SDCBP2: variants seen among roughly 807,000 people sequenced by gnomAD.
SDCBP2 encodes syndecan binding protein 2, also known as syntenin-2.
A neutral mutation model predicts 30.7 loss-of-function variants in SDCBP2; 28 were observed. The ratio of observed to expected loss-of-function variants is 0.91; its 90% CI spans 0.68 to 1.25. The LOEUF (loss-of-function observed/expected upper bound fraction) is 1.25, where lower values mean the gene tolerates loss of function less well. Among genes scored for constraint, SDCBP2 ranks in the 50% most tolerant of loss-of-function variants. The pLI, the probability that SDCBP2 is intolerant of heterozygous loss-of-function variation, is 0.00. For synonymous variants in SDCBP2, 166 were observed against 157.3 expected, an observed-to-expected ratio of 1.06 and a Z score of -0.41; for missense variants, 399 against 379.0, an observed-to-expected ratio of 1.05 and a Z score of -0.44.
chr20:1,328,007 C>T (rs1324816515), intron 1 of SDCBP2, among the ~76,000 whole-genome samples: 4 of 152,010 alleles, frequency 2.6e-5, no homozygotes, highest in East Asian at 1.9e-4. Context: ...AAGAGCAGGA[C>T]GGAGGGTCAT....
At chr20:1,318,618 G>A (rs987389947) in intron 3 of SDCBP2, among the ~76,000 whole-genome samples, 200 bp from the exon 4 acceptor site, 6 of 152,134 alleles carry the variant, frequency 3.9e-5, no homozygotes, top group South Asian at 2.1e-4. Flanking sequence ...GTAGGACACC[G>A]AGTCCTCATG....
Position 1,312,423 on chromosome 20 carries a change from C to G in SDCBP2, c.646G>C (p.Val216Leu). The G allele has an allele frequency of 6.2e-7, 1 of 1,614,002 alleles. No individual in the cohort carries two copies. The highest frequency in any genetic ancestry group is 8.5e-7 in the Non-Finnish European group (1 of 1,179,932). The change falls in exon 7 of 9, where the codon GTC becomes CTC. Residue 216 changes from valine (V) to leucine (L), a missense_variant. Val to Leu is a conservative substitution (Grantham distance 32). Coordinates refer to ENST00000360779, the MANE Select transcript of SDCBP2 (RefSeq NM_080489.5). ...TTGCGGGCCGCAGAACTCCCTTTGA[C>G]CAGAGAGACAATCTTCCCCTTCTTG... is the stretch of plus-strand genomic sequence containing the variant. ...VIKKGKIVSL[V>L]KGSSAARNGL...
intron 3 of SDCBP2, among the ~76,000 whole-genome samples, chr20:1,318,885 T>C (rs2088816451): frequency 6.6e-6 from 1 of 152,202 alleles, no homozygotes; most frequent in South Asian, 2.1e-4. Flanking sequence ...AGGGTGGCCA[T>C]CTGCAAGCCA....
At chr20:1,315,996 G>A (rs576182331) in intron 4 of SDCBP2, among the ~76,000 whole-genome samples, 72 of 152,252 alleles carry the variant, frequency 4.7e-4, no homozygotes, top group Non-Finnish European at 9.4e-4. Context: ...CCAGCTACTC[G>A]GGAGGCTGAG....
chr20:1,312,515 G>A lies in SDCBP2; in HGVS notation c.561-7C>T. Reference sequence around the variant, plus strand: ...GACAGTCCGCTGGAACGGCCTGGCAGGAGGGACAGTGAGCTGTCCTGGGGA... The same window carrying A: ...GACAGTCCGCTGGAACGGCCTGGCAAGAGGGACAGTGAGCTGTCCTGGGGA... On this transcript the variant is annotated splice_region_variant and splice_polypyrimidine_tract_variant and intron_variant, in intron 6 of 8. Transcript: ENST00000360779. The A allele has an allele frequency of 6.2e-7, 1 of 1,614,148 alleles. No individual in the cohort carries two copies. The highest frequency in any genetic ancestry group is 8.5e-7 in the Non-Finnish European group (1 of 1,180,026).
At chr20:1,325,009 A>AT (rs564910473) in intron 1 of SDCBP2, among the ~76,000 whole-genome samples, 18 of 152,104 alleles carry the variant, frequency 1.2e-4, no homozygotes, top group Non-Finnish European at 2.2e-4. Context: ...CATCATATTG[A>AT]TTTTTTACCC....
rs1358405346 is a variant in SDCBP2 at position 1,310,338 on chromosome 20, C to T, written c.*103G>A. 1.6e-6 allele frequency: 2 copies of T among 1,227,902 alleles called. No homozygotes were observed. Among genetic ancestry groups the T allele is most frequent in the South Asian group, 1.3e-5 (1 of 77,272 alleles). 76.1% of individuals were successfully genotyped at this position (1,227,902 alleles called of 1,614,324 possible). On this transcript the variant is annotated 3_prime_UTR_variant, in exon 9 of 9. Transcript: ENST00000360779. ...GACACGCCCCCCTCATGGCAGCCCC[C>T]ACCTTAAGCAGCAGGCCGGCTGCAA...
rs779436203 is a variant in SDCBP2 at position 1,313,402 on chromosome 20, C to T, written c.322G>A (p.Glu108Lys). Residue 108 changes from glutamate to lysine, a missense_variant, in exon 5 of 9, where the codon GAG (glutamate) becomes AAG (lysine). Physicochemically the swap from Glu to Lys is moderately conservative, Grantham distance 56 (BLOSUM62 1). Coordinates refer to ENST00000360779, the MANE Select transcript of SDCBP2 (RefSeq NM_080489.5). This position sits in a 1 kb window ranked among gnomAD's most constrained non-coding sequence, Gnocchi z 5.2. ...CGCTCGTCCTTGCACAGGTGGATCT[C>T]GCGCACCCCGGGCTTGATCTCAGCT... ...RRAEIKPGVR[E>K]IHLCKDERGK... 3 of 1,609,052 alleles carry T rather than the reference C, an allele frequency of 1.9e-6. No individual in the cohort carries two copies. Among genetic ancestry groups the T allele is most frequent in the African/African-American group, 2.7e-5 (2 of 74,842 alleles).
At position 1,311,028 on chromosome 20, in the gene SDCBP2, G is replaced by A. The variant is rs1328892810; in HGVS notation, c.733-137C>T. The stretch of plus-strand genomic sequence containing the variant: ...GCTGACTGCAGGGCAGGGCTGCCTC[G>A]GACCCCGAGCCTGTCAGATGAGGGT... On this transcript the variant is annotated intron_variant, in intron 7 of 8. Transcript: ENST00000360779. 2.6e-5 allele frequency: 16 copies of A among 609,616 alleles called. No homozygotes were observed. In the East Asian group the frequency reaches 4.1e-4, roughly 15 times the overall value. The allele number at this position is 609,616 out of a possible 1,614,324, so 37.8% of individuals were successfully genotyped here.
At position 1,320,336 on chromosome 20, in the gene SDCBP2, C is replaced by A; in HGVS notation, c.54+27G>T. On this transcript the variant is annotated intron_variant, in intron 2 of 8. Transcript: ENST00000360779. The surrounding 1 kb of genome is among the most constrained non-coding windows in gnomAD (Gnocchi z 4.7). ...ATCCCCAAGGTCCCCTTCAGGGAAT[C>A]CAGGCCAATGGGGCCTGGCGACTTA... 6.2e-7 allele frequency: 1 copy of A among 1,609,320 alleles called. No homozygotes were observed. The highest frequency in any genetic ancestry group is 8.5e-7 in the Non-Finnish European group (1 of 1,176,186).
intron 7 of SDCBP2, among the ~76,000 whole-genome samples, chr20:1,311,809 C>G (rs1463483187): frequency 1.3e-5 from 2 of 151,848 alleles, no homozygotes; most frequent in Admixed American, 1.3e-4. Context: ...CCATACAGAG[C>G]AAGGAGGTGT....
chr20:1,313,591 G>A lies in SDCBP2; in HGVS notation c.226-93C>T. 6.9e-7 allele frequency: 1 copy of A among 1,442,590 alleles called. No homozygotes were observed. The highest frequency in any genetic ancestry group is 9.1e-7 in the Non-Finnish European group (1 of 1,098,846). The allele number at this position is 1,442,590 out of a possible 1,614,324, so 89.4% of individuals were successfully genotyped here. On this transcript the variant is annotated intron_variant, in intron 4 of 8. Coordinates refer to ENST00000360779, the MANE Select transcript of SDCBP2 (RefSeq NM_080489.5). This position sits in a 1 kb window ranked among gnomAD's most constrained non-coding sequence, Gnocchi z 5.2. The stretch of plus-strand genomic sequence containing the variant: ...GTGGGGGTAGGGATGGGGAAAGGAG[G>A]ATGGAGCCGTCCCCGGGTCCCCCCA...
chr20:1,313,415 C>T lies in SDCBP2; in HGVS notation c.309G>A (p.Lys103=). 2 of 1,607,604 alleles carry T rather than the reference C, an allele frequency of 1.2e-6. No individual in the cohort carries two copies. The highest frequency in any genetic ancestry group is 1.3e-5 in the African/African-American group (1 of 74,948). Reference sequence around the variant, plus strand: ...ACAGGTGGATCTCGCGCACCCCGGGCTTGATCTCAGCTCGCCGCACGCCCA... The same window carrying T: ...ACAGGTGGATCTCGCGCACCCCGGGTTTGATCTCAGCTCGCCGCACGCCCA... ...YSLGVRRAEI[K]PGVREIHLCK... is the part of the protein sequence containing the mutation. Residue 103 remains lysine (K), a synonymous_variant, in exon 5 of 9, where the codon AAG becomes AAA. Coordinates refer to ENST00000360779, the MANE Select transcript of SDCBP2 (RefSeq NM_080489.5). The surrounding 1 kb of genome is among the most constrained non-coding windows in gnomAD (Gnocchi z 5.2).
intron 4 of SDCBP2, chr20:1,317,537 C>A (rs547126420): frequency 6.5e-6 from 1 of 153,226 alleles, no homozygotes; most frequent in African/African-American, 2.4e-5. Flanking sequence ...TTTCACAGCA[C>A]GACCATGAAG....
chr20:1,312,744 C>T lies in SDCBP2; in HGVS notation c.403G>A (p.Val135Ile), dbSNP rs1336007214. The change falls in exon 6 of 9, where the codon GTC becomes ATC. Residue 135 changes from valine (V) to isoleucine (I), a missense_variant. Transcript: ENST00000360779. ...KVDQGLFVQL[V>I]QANTPASLVG... ...AGGGATGCAGGGGTGTTGGCCTGGACCAACTGCACAAAGAGCCCCTGGGGG... is the reference window on the plus strand; with the variant it reads ...AGGGATGCAGGGGTGTTGGCCTGGATCAACTGCACAAAGAGCCCCTGGGGG... 6.2e-7 allele frequency: 1 copy of T among 1,612,918 alleles called. No homozygotes were observed. The highest frequency in any genetic ancestry group is 1.7e-5 in the Admixed American group (1 of 59,976).
Position 1,313,135 on chromosome 20 carries a change from G to C in SDCBP2, c.384+205C>G. 1.6e-6 allele frequency: 1 copy of C among 616,742 alleles called. No homozygotes were observed. Among genetic ancestry groups the C allele is most frequent in the East Asian group, 2.8e-5 (1 of 35,658 alleles). 38.2% of individuals were successfully genotyped at this position (616,742 alleles called of 1,614,324 possible). A position where few individuals can be genotyped will look rare whatever the true frequency, so the allele number is the denominator to read the frequency against. On this transcript the variant is annotated intron_variant, in intron 5 of 8. Coordinates refer to ENST00000360779, the MANE Select transcript of SDCBP2 (RefSeq NM_080489.5). The surrounding 1 kb of genome is among the most constrained non-coding windows in gnomAD (Gnocchi z 5.2). Reference sequence around the variant, plus strand: ...CCTCCGAGCGACGGAAGCCCACGGAGAGGCCAGTGGAGGGCCCTGCGCAAC... The same window carrying C: ...CCTCCGAGCGACGGAAGCCCACGGACAGGCCAGTGGAGGGCCCTGCGCAAC...
rs1340140232 is a variant in SDCBP2, at chr20:1,313,729, GGGCGAGGATACAGGAAGA to G, written c.226-249_226-232del. 2 of 1,202,662 alleles carry G rather than the reference GGGCGAGGATACAGGAAGA, an allele frequency of 1.7e-6. No individual in the cohort carries two copies. Among genetic ancestry groups the G allele is most frequent in the East Asian group, 3.1e-5 (1 of 32,146 alleles). 74.5% of individuals were successfully genotyped at this position (1,202,662 alleles called of 1,614,324 possible). ...AAAGCCAGGAAAACGGGGAGGGAAG[GGGCGAGGATACAGGAAGA>G]GGCCCTTCATTTCCCAAGGGAAACT... On this transcript the variant is annotated intron_variant, in intron 4 of 8. Transcript: ENST00000360779. This position sits in a 1 kb window ranked among gnomAD's most constrained non-coding sequence, Gnocchi z 5.2.
intron 1 of SDCBP2, among the ~76,000 whole-genome samples, chr20:1,326,356 C>G (rs2088925956): frequency 6.6e-6 from 1 of 152,246 alleles, no homozygotes; most frequent in African/African-American, 2.4e-5. Context: ...ATACCTACTT[C>G]TTGCCCTCAA....
intron 4 of SDCBP2, among the ~76,000 whole-genome samples, chr20:1,316,800 A>C (rs1250882051): frequency 6.6e-6 from 1 of 152,236 alleles, no homozygotes; most frequent in Admixed American, 6.5e-5. Context: ...AACCTGTATA[A>C]GAATAACTTT....
Sources: allele counts gnomAD v4.1 joint callset (sites outside exome capture counted in the v4.1 genomes callset), GRCh38; gene constraint gnomAD v4.1.1; non-coding constraint Gnocchi (gnomAD v3.1); transcripts MANE v1.5; gene names NCBI Gene and HGNC (gene_info 2026-07-23, HGNC 2026-07-21).